The following SAXO1 variants were observed in gnomAD, a reference collection of about 807,000 sequenced individuals.
The protein encoded by SAXO1 is stabilizer of axonemal microtubules 1.
Under a neutral mutation model 17.5 loss-of-function variants are expected in SAXO1, and 21 were observed. The observed-to-expected ratio is 1.20, with a 90% confidence interval of 0.85 to 1.72. The LOEUF (loss-of-function observed/expected upper bound fraction) is 1.72, where lower values mean the gene tolerates loss of function less well. Ranked by LOEUF, SAXO1 falls within the 40% of genes most tolerant of loss-of-function variation. The probability of loss-of-function intolerance (pLI) is 0.00; values close to 1 mark genes in which losing one functional copy is unlikely to be tolerated. For synonymous variants in SAXO1, 274 were observed against 216.5 expected, an observed-to-expected ratio of 1.27 and a Z score of -2.33; for missense variants, 843 against 596.0, an observed-to-expected ratio of 1.41 and a Z score of -4.32.
Position 19,032,852 on chromosome 9 carries a change from C to G in SAXO1, c.38+19G>C, listed in dbSNP as rs1185509983. The G allele has an allele frequency of 1.2e-6, 2 of 1,609,376 alleles. No homozygotes were observed. The highest frequency in any genetic ancestry group is 1.7e-5 in the Admixed American group (1 of 59,908). On this transcript the variant is annotated intron_variant, in intron 1 of 3. Transcript: ENST00000380534. ...AAACCCAGGCTCCCCCAGCCTTGCC[C>G]TGGGCGTGGCCACCTTACCCGCAGG...
chr9:19,001,184 T>C (rs371999517), intron 1 of SAXO1, among the ~76,000 whole-genome samples: 16 of 152,304 alleles, frequency 1.1e-4, no homozygotes, highest in African/African-American at 3.6e-4. Context: ...GACCACATAG[T>C]TGGAAGTAAA....
chr9:19,042,962 G>A (rs987460799), intron 1 of SAXO1, among the ~76,000 whole-genome samples: 3 of 152,076 alleles, frequency 2.0e-5, no homozygotes, highest in East Asian at 3.9e-4. Flanking sequence ...ACTTGAGCCC[G>A]GGAGTTTGAG....
chr9:19,042,891 G>A (rs1485132399), intron 1 of SAXO1, among the ~76,000 whole-genome samples: 1 of 152,156 alleles, frequency 6.6e-6, no homozygotes, highest in African/African-American at 2.4e-5. Flanking sequence ...AGAAAATGTG[G>A]CCAGGTGCAG....
At chr9:19,048,293 C>A (rs1465822827) in intron 1 of SAXO1, among the ~76,000 whole-genome samples, 1 of 152,092 alleles carries the variant, frequency 6.6e-6, no homozygotes, top group African/African-American at 2.4e-5. Context: ...CCCGTCTCCA[C>A]TAAAAATACA....
chr9:18,953,644 C>G (rs1369486727), intron 1 of SAXO1, among the ~76,000 whole-genome samples: 1 of 152,104 alleles, frequency 6.6e-6, no homozygotes, highest in Non-Finnish European at 1.5e-5. Flanking sequence ...CCCTGAATAC[C>G]CCTCCCAAGA....
At chr9:18,973,219 T>C (rs1563954609) in intron 1 of SAXO1, among the ~76,000 whole-genome samples, 1 of 152,230 alleles carries the variant, frequency 6.6e-6, no homozygotes, top group African/African-American at 2.4e-5. Flanking sequence ...AGGTAAAGGT[T>C]GGTGAAAACT....
intron 1 of SAXO1, among the ~76,000 whole-genome samples, chr9:19,048,999 G>A (rs951789615): frequency 2.0e-5 from 3 of 152,334 alleles, no homozygotes; most frequent in South Asian, 2.1e-4. Flanking sequence ...GTCTCCATCT[G>A]CCCTGCCCTT....
chr9:19,003,105 A>C (rs906218745), intron 1 of SAXO1, among the ~76,000 whole-genome samples: 16 of 152,176 alleles, frequency 1.1e-4, no homozygotes, highest in Non-Finnish European at 2.1e-4. Flanking sequence ...AAGAACAGAC[A>C]AACAGAGAGC....
intron 1 of SAXO1, among the ~76,000 whole-genome samples, chr9:18,961,337 ATTGTTT>A (rs1832473725): frequency 6.6e-6 from 1 of 151,970 alleles, no homozygotes; most frequent in Admixed American, 6.6e-5. Flanking sequence ...CGCCTGGCTA[ATTGTTT>A]TTTGTTTTAT....
At chr9:19,000,057 C>T (rs1262791130) in intron 1 of SAXO1, among the ~76,000 whole-genome samples, 1 of 129,728 alleles carries the variant, frequency 7.7e-6, no homozygotes, top group Non-Finnish European at 1.6e-5. Context: ...GCCGCCACAA[C>T]ATCTGGGAAG....
At chr9:18,942,950 C>T (rs1831634478) in intron 2 of SAXO1, among the ~76,000 whole-genome samples, 1 of 152,260 alleles carries the variant, frequency 6.6e-6, no homozygotes, top group South Asian at 2.1e-4. Flanking sequence ...CAGAACATCC[C>T]TGTCAAGGGA....
At position 18,927,968 on chromosome 9, in the gene SAXO1, G is replaced by A; in HGVS notation, c.*84C>T. On this transcript the variant is annotated 3_prime_UTR_variant, in exon 4 of 4. Coordinates refer to ENST00000380534, the MANE Select transcript of SAXO1 (RefSeq NM_153707.4). ...TGTTTTTTGTTTTTTGTCATTTTAGGGAATTCTTTTTTGTCCAACAAATAA... is the reference window on the plus strand; with the variant it reads ...TGTTTTTTGTTTTTTGTCATTTTAGAGAATTCTTTTTTGTCCAACAAATAA... 1 of 1,411,546 alleles carries A rather than the reference G, an allele frequency of 7.1e-7. No individual in the cohort carries two copies. Among genetic ancestry groups the A allele is most frequent in the Non-Finnish European group, 9.4e-7 (1 of 1,059,494 alleles). 87.4% of individuals were successfully genotyped at this position (1,411,546 alleles called of 1,614,324 possible).
rs185858064 is a variant in SAXO1 at position 18,993,497 on chromosome 9, G to A, written c.38+39374C>T. ...TTCTTATGGCTCAGCCAGTTTGGAG[G>A]GTGAGAAGGTGCAGACATGTCCCAT... On this transcript the variant is annotated intron_variant, in intron 1 of 3. Transcript: ENST00000380534. Among the ~76,000 whole-genome samples, 303 of 152,270 alleles carry A rather than the reference G, an allele frequency of 2.0e-3. 2 individuals carry two copies. Among genetic ancestry groups the A allele is most frequent in the African/African-American group, 6.3e-3 (262 of 41,536 alleles).
intron 1 of SAXO1, among the ~76,000 whole-genome samples, chr9:18,977,993 CAAA>C (rs371914686): frequency 3.0e-5 from 3 of 98,660 alleles, no homozygotes; most frequent in East Asian, 3.4e-4. Context: ...GAGACCCTGC[CAAA>C]AAAAAAAAAA....
intron 1 of SAXO1, among the ~76,000 whole-genome samples, chr9:18,990,276 A>G (rs565212127): frequency 4.6e-5 from 7 of 152,328 alleles, no homozygotes; most frequent in Non-Finnish European, 8.8e-5. Context: ...CAAAGGGTAT[A>G]ACAAACGCTC....
In SAXO1 at chr9:18,982,463, C is replaced by T. The variant is rs1833429904; in HGVS notation, c.39-31526G>A. On this transcript the variant is annotated intron_variant, in intron 1 of 3. Transcript: ENST00000380534. ...CTCCTAGGAAAAGCTCTGCAAAGTA[C>T]AATGAAACACACAAAACAAAAGGAC... is the stretch of plus-strand genomic sequence containing the variant. Among the ~76,000 whole-genome samples the T allele has an allele frequency of 2.6e-5, 4 of 152,184 alleles. No individual in the cohort carries two copies. The South Asian group carries it at 8.3e-4, about 32-fold the overall frequency.
chr9:18,934,925 T>C (rs1481823835), intron 3 of SAXO1, among the ~76,000 whole-genome samples: 1 of 152,164 alleles, frequency 6.6e-6, no homozygotes, highest in Non-Finnish European at 1.5e-5. Context: ...TTTTTGTTTT[T>C]AATTTGCTTG....
chr9:18,999,453 C>G (rs1352339429), intron 1 of SAXO1, among the ~76,000 whole-genome samples: 1 of 151,908 alleles, frequency 6.6e-6, no homozygotes, highest in Non-Finnish European at 1.5e-5. Context: ...ACCCGGCTGC[C>G]CCACCATCTG....
intron 2 of SAXO1, among the ~76,000 whole-genome samples, chr9:18,942,621 C>T (rs1254428573): frequency 2.6e-5 from 4 of 152,196 alleles, no homozygotes; most frequent in Non-Finnish European, 4.4e-5. Context: ...GGTGTCTGCG[C>T]CCCCATTGTT....
Sources: gnomAD v4.1 joint callset for allele counts (sites outside exome capture counted in the v4.1 genomes callset) on GRCh38, gnomAD v4.1.1 for gene constraint, MANE v1.5 for transcripts, NCBI Gene and HGNC (gene_info 2026-07-23, HGNC 2026-07-21) for gene names.